C12orf50: variants seen among roughly 807,000 people sequenced by gnomAD.
The protein encoded by C12orf50 is zinc finger CCCH-type containing 11D, also known as uncharacterized protein C12orf50.
Under a neutral mutation model 61.6 loss-of-function variants are expected in C12orf50, and 35 were observed. The ratio of observed to expected loss-of-function variants is 0.57; its 90% CI spans 0.43 to 0.75. The LOEUF is 0.75. C12orf50 is among the 30% of genes least tolerant of loss of function. The pLI, the probability that C12orf50 is intolerant of heterozygous loss-of-function variation, is 0.00. For missense variants in C12orf50, 475 were observed against 488.5 expected (o/e 0.97, Z 0.26); for synonymous variants, 178 against 161.5 (o/e 1.10, Z -0.77).
chr12:88,001,108 T>C (rs2031637396), intron 3 of C12orf50, among the ~76,000 whole-genome samples: 1 of 151,842 alleles, frequency 6.6e-6, no homozygotes, highest in Non-Finnish European at 1.5e-5. Flanking sequence ...CAGTATTTCA[T>C]CAAGTATGCT....
At chr12:88,027,932 T>A (rs921153987) in intron 1 of C12orf50, 3 of 152,046 alleles carry the variant, frequency 2.0e-5, no homozygotes, top group Non-Finnish European at 4.4e-5. Flanking sequence ...ATAGCACGGG[T>A]TAGTAGGCAG....
chr12:87,994,540 A>G, intron 7 of C12orf50, 93 bp downstream of exon 7: 5 of 984,228 alleles, frequency 5.1e-6, no homozygotes, highest in Non-Finnish European at 7.6e-6. Flanking sequence ...CATGACATGG[A>G]CAAAAAAAGA....
At chr12:88,012,406 AT>A (rs2032146129) in intron 3 of C12orf50, among the ~76,000 whole-genome samples, 1 of 152,210 alleles carries the variant, frequency 6.6e-6, no homozygotes, top group South Asian at 2.1e-4. Flanking sequence ...TAAACGAATT[AT>A]TTATAACTAA....
rs2030599283 is a variant in C12orf50, at chr12:87,983,116, T to C, written c.1206A>G (p.Glu402=). 6.3e-7 allele frequency: 1 copy of C among 1,583,492 alleles called. No homozygotes were observed. The highest frequency in any genetic ancestry group is 1.1e-5 in the South Asian group (1 of 89,490). Residue 402 remains glutamate (E), a synonymous_variant, in exon 12 of 13, where the codon GAA becomes GAG. Transcript: ENST00000298699. ...IPFSKTYSKS[E]KIYPEPRRNG... ...ATAAATAGTTACCTGGATATATCTT[T>C]TCACTTTTTGAATATGTTTTTGAAA...
chr12:88,007,904 G>A (rs1335199760), intron 3 of C12orf50, among the ~76,000 whole-genome samples: 1 of 151,708 alleles, frequency 6.6e-6, no homozygotes, highest in Non-Finnish European at 1.5e-5. Flanking sequence ...AGACCATATG[G>A]CTTTAAAAGT....
At chr12:88,024,338 T>C (rs1454707627) in intron 3 of C12orf50, among the ~76,000 whole-genome samples, 1 of 152,168 alleles carries the variant, frequency 6.6e-6, no homozygotes, top group African/African-American at 2.4e-5. Context: ...TGCATGTTCA[T>C]CACAGCACTA....
intron 3 of C12orf50, among the ~76,000 whole-genome samples, chr12:88,016,708 G>A (rs954508291): frequency 6.6e-6 from 1 of 152,168 alleles, no homozygotes; most frequent in Non-Finnish European, 1.5e-5. Context: ...AGTACTATGT[G>A]GCTATGTTAG....
chr12:88,005,920 T>G (rs369247243), intron 3 of C12orf50, among the ~76,000 whole-genome samples: 8,877 of 140,312 alleles, frequency 0.063, 300 homozygotes, highest in African/African-American at 0.08. Context: ...TGGTTTTTTT[T>G]TTTTTTTTTT....
chr12:88,027,611 T>G (rs1194992932), intron 1 of C12orf50, among the ~76,000 whole-genome samples: 1 of 152,252 alleles, frequency 6.6e-6, no homozygotes. Context: ...ACATTAAATA[T>G]ATGTGCTTTG....
At chr12:88,025,775 A>C (rs1308769284) in intron 3 of C12orf50, among the ~76,000 whole-genome samples, 2 of 152,168 alleles carry the variant, frequency 1.3e-5, no homozygotes, top group Admixed American at 6.5e-5. Context: ...AAACCATTCC[A>C]TCAGAGAAAC....
At chr12:87,984,148 G>C (rs1481518794) in intron 11 of C12orf50, 1 of 151,928 alleles carries the variant, frequency 6.6e-6, no homozygotes, top group Non-Finnish European at 1.5e-5. Flanking sequence ...CAGTGATGAT[G>C]AGCATTTTTT....
intron 1 of C12orf50, among the ~76,000 whole-genome samples, chr12:88,027,312 A>G (rs2032745940): frequency 6.6e-6 from 1 of 152,188 alleles, no homozygotes; most frequent in Non-Finnish European, 1.5e-5. Flanking sequence ...ATAAAATGCT[A>G]CCTTTTGTTA....
At chr12:88,013,902 A>G (rs2032207542) in intron 3 of C12orf50, among the ~76,000 whole-genome samples, 1 of 152,206 alleles carries the variant, frequency 6.6e-6, no homozygotes, top group Non-Finnish European at 1.5e-5. Flanking sequence ...TGGAGCCAGA[A>G]CTGAGAGCCT....
intron 3 of C12orf50, among the ~76,000 whole-genome samples, chr12:87,998,816 C>G (rs2031531286): frequency 6.6e-6 from 1 of 152,118 alleles, no homozygotes; most frequent in South Asian, 2.1e-4. Context: ...TCAATTTATG[C>G]TCAGCTGATT....
intron 3 of C12orf50, among the ~76,000 whole-genome samples, chr12:87,998,397 GA>G (rs1412294119): frequency 2.0e-5 from 3 of 151,728 alleles, no homozygotes; most frequent in Non-Finnish European, 4.4e-5. Flanking sequence ...TAGCATCAAA[GA>G]GAAAAAAGTA....
intron 2 of C12orf50, 123 bp from the exon 3 acceptor site, chr12:88,026,731 G>T: frequency 7.4e-7 from 1 of 1,356,136 alleles, no homozygotes; most frequent in Non-Finnish European, 1.0e-6. Flanking sequence ...AGGATCATGT[G>T]TGTCTTCCAG....
At chr12:88,012,128 T>A (rs1220754203) in intron 3 of C12orf50, among the ~76,000 whole-genome samples, 3 of 152,200 alleles carry the variant, frequency 2.0e-5, no homozygotes, top group Non-Finnish European at 4.4e-5. Context: ...AGTTAAAACA[T>A]TTAGCACTAC....
intron 11 of C12orf50, chr12:87,984,684 A>G (rs1182710876): frequency 6.6e-6 from 1 of 152,142 alleles, no homozygotes; most frequent in Non-Finnish European, 1.5e-5. Context: ...AAATATTACT[A>G]TGCAGCTGTG....
chr12:87,996,622 G>A lies in C12orf50; in HGVS notation c.314C>T (p.Thr105Ile), dbSNP rs776651138. 3 of 1,609,090 alleles carry A rather than the reference G, an allele frequency of 1.9e-6. No individual in the cohort carries two copies. Among genetic ancestry groups the A allele is most frequent in the Admixed American group, 1.7e-5 (1 of 59,936 alleles). Residue 105 changes from threonine (T) to isoleucine (I), a missense_variant, in exon 5 of 13, where the codon ACC (threonine) becomes ATC (isoleucine). Physicochemically the swap from Thr to Ile is moderately conservative, Grantham distance 89. Transcript: ENST00000298699. ...QNDASSLWTKTPEEIEEKRAI... is the reference protein window; with the variant it reads ...QNDASSLWTKIPEEIEEKRAI... ...TCTTTTTTCTTCAATTTCTTCAGGG[G>A]TCTTTGTCCATAAACTAGAAGCATC...
Sources: allele counts gnomAD v4.1 joint callset (sites outside exome capture counted in the v4.1 genomes callset), GRCh38; gene constraint gnomAD v4.1.1; transcripts MANE v1.5; gene names NCBI Gene and HGNC (gene_info 2026-07-23, HGNC 2026-07-21).